Variants in ADGRB3 observed in about 807,000 individuals in gnomAD.
ADGRB3 encodes the protein brain-specific angiogenesis inhibitor 3.
A neutral mutation model predicts 193.4 loss-of-function variants in ADGRB3; 37 were observed. The observed-to-expected ratio is 0.19, with a 90% confidence interval of 0.15 to 0.25. The LOEUF (loss-of-function observed/expected upper bound fraction) is 0.25. ADGRB3 is among the 10% of genes least tolerant of loss of function. The pLI, the probability that ADGRB3 is intolerant of heterozygous loss-of-function variation, is 1.00. For missense variants in ADGRB3, 1,637 were observed against 1,852.9 expected, an observed-to-expected ratio of 0.88 and a Z score of 2.14; for synonymous variants, 690 against 644.2, an observed-to-expected ratio of 1.07 and a Z score of -1.08.
At chr6:69,295,866 A>G (rs1767805013) in intron 20 of ADGRB3, among the ~76,000 whole-genome samples, 1 of 152,124 alleles carries the variant, frequency 6.6e-6, no homozygotes, top group African/African-American at 2.4e-5. Flanking sequence ...ATTTGTCTCC[A>G]ATTGTTTGTT....
chr6:69,360,097 TATC>T (rs1302623702), intron 28 of ADGRB3, among the ~76,000 whole-genome samples: 1 of 151,952 alleles, frequency 6.6e-6, no homozygotes, highest in Admixed American at 6.6e-5. Context: ...TACTACAAGT[TATC>T]ATAGATTTTT....
intron 20 of ADGRB3, among the ~76,000 whole-genome samples, chr6:69,265,988 A>G (rs1767031913): frequency 6.6e-6 from 1 of 152,046 alleles, no homozygotes; most frequent in Non-Finnish European, 1.5e-5. Context: ...AATCACTCGA[A>G]TTCTTTCAGA....
chr6:69,057,399 T>C lies in ADGRB3; in HGVS notation c.2334-5535T>C, dbSNP rs375682934. 1.3e-3 allele frequency among the ~76,000 whole-genome samples: 191 copies of C among 152,202 alleles called. 1 individual carries two copies. Among genetic ancestry groups the C allele is most frequent in the African/African-American group, 4.5e-3 (188 of 41,576 alleles). ...TTCCCATTTGGATGCCTTTTATTTC[T>C]TTTTCTTACCTAATTGCTGTTTGTA... On this transcript the variant is annotated intron_variant, in intron 15 of 31. Transcript: ENST00000370598.
intron 20 of ADGRB3, among the ~76,000 whole-genome samples, chr6:69,241,230 C>T (rs1320963003): frequency 2.6e-5 from 4 of 151,698 alleles, no homozygotes; most frequent in Non-Finnish European, 5.9e-5. Flanking sequence ...ATACAAGCCA[C>T]ATATGTAATT....
intron 26 of ADGRB3, among the ~76,000 whole-genome samples, chr6:69,341,913 C>T (rs1278687456): frequency 2.0e-5 from 3 of 152,104 alleles, no homozygotes; most frequent in Non-Finnish European, 4.4e-5. Flanking sequence ...TGCTGCGTCA[C>T]TATATAAGCT....
At chr6:69,261,976 C>G (rs1561969903) in intron 20 of ADGRB3, among the ~76,000 whole-genome samples, 2 of 151,956 alleles carry the variant, frequency 1.3e-5, no homozygotes, top group Non-Finnish European at 2.9e-5. Context: ...CAAGCATAAT[C>G]AACATTAGCA....
intron 3 of ADGRB3, among the ~76,000 whole-genome samples, chr6:68,644,784 T>C (rs1768163272): frequency 6.6e-6 from 1 of 152,182 alleles, no homozygotes; most frequent in African/African-American, 2.4e-5. Context: ...GGTAGCATAT[T>C]TTTTGTAGAC....
At chr6:68,810,143 A>T (rs1182233745) in intron 3 of ADGRB3, among the ~76,000 whole-genome samples, 2 of 152,128 alleles carry the variant, frequency 1.3e-5, no homozygotes, top group Non-Finnish European at 2.9e-5. Context: ...TATGAACATA[A>T]ATGGGAAATT....
intron 18 of ADGRB3, 111 bp downstream of exon 18, chr6:69,233,527 C>G (rs201273452): frequency 1.2e-6 from 1 of 837,772 alleles, no homozygotes. Flanking sequence ...TTGCAGGGTA[C>G]AAAATTGGGT....
intron 17 of ADGRB3, among the ~76,000 whole-genome samples, chr6:69,088,561 A>G (rs913360926): frequency 6.6e-6 from 1 of 152,114 alleles, no homozygotes; most frequent in Non-Finnish European, 1.5e-5. Context: ...ATTAGTAGAG[A>G]TGGGATTTCA....
chr6:68,789,942 C>T lies in ADGRB3; in HGVS notation c.758-140617C>T, dbSNP rs1291757257. Among the ~76,000 whole-genome samples, 4 of 152,304 alleles carry T rather than the reference C, an allele frequency of 2.6e-5. No homozygotes were observed. In the South Asian group the frequency reaches 6.2e-4, roughly 24 times the overall value. On this transcript the variant is annotated intron_variant, in intron 3 of 31. Transcript: ENST00000370598. ...TGATACCCTTTCTTCCAGTTGATCG[C>T]ATCGGCTATTGAGGCTTCTGCATTT...
At chr6:69,165,503 A>AT (rs1453202023) in intron 17 of ADGRB3, among the ~76,000 whole-genome samples, 1 of 150,962 alleles carries the variant, frequency 6.6e-6, no homozygotes, top group African/African-American at 2.4e-5. Context: ...CCTGGAGTTG[A>AT]TTTTTTCATT....
Position 69,235,043 on chromosome 6 carries a change from C to G in ADGRB3, c.2619C>G (p.Ser873=), listed in dbSNP as rs1766230710. The change falls in exon 19 of 32, where the codon TCC becomes TCG. Residue 873 remains serine (S), a synonymous_variant. Transcript: ENST00000370598. ...AQQPREIIME[S]SGTPSVTLIV... ...TGTTTAATTCACAGATCATGGAATC[C>G]TCTGGCACACCTTCAGTTACCCTAA... 6.2e-7 allele frequency: 1 copy of G among 1,611,122 alleles called. No homozygotes were observed. Among genetic ancestry groups the G allele is most frequent in the Non-Finnish European group, 8.5e-7 (1 of 1,177,986 alleles).
At chr6:68,879,602 A>G (rs1482170114) in intron 3 of ADGRB3, among the ~76,000 whole-genome samples, 1 of 152,038 alleles carries the variant, frequency 6.6e-6, no homozygotes, top group Non-Finnish European at 1.5e-5. Context: ...ACCACTCCTG[A>G]CCAGCATGCC....
At chr6:69,386,290 G>A (rs1770068145) in intron 31 of ADGRB3, among the ~76,000 whole-genome samples, 1 of 151,970 alleles carries the variant, frequency 6.6e-6, no homozygotes, top group Admixed American at 6.6e-5. Flanking sequence ...ACATAATGGA[G>A]CCCCTATATA....
At chr6:69,142,697 G>A (rs375237140) in intron 17 of ADGRB3, among the ~76,000 whole-genome samples, 1 of 152,192 alleles carries the variant, frequency 6.6e-6, no homozygotes, top group East Asian at 1.9e-4. Context: ...ACTGGTGTAA[G>A]GCTGGTTGCT....
chr6:68,787,763 G>A (rs1363578231), intron 3 of ADGRB3, among the ~76,000 whole-genome samples: 3 of 152,102 alleles, frequency 2.0e-5, no homozygotes, highest in Admixed American at 6.6e-5. Flanking sequence ...GGTAGAAATC[G>A]GCTGTGAATC....
chr6:68,862,007 C>T lies in ADGRB3; in HGVS notation c.758-68552C>T, dbSNP rs1307844220. Among the ~76,000 whole-genome samples the T allele has an allele frequency of 5.9e-5, 9 of 152,280 alleles. No individual in the cohort carries two copies. In the South Asian group the frequency reaches 1.7e-3, roughly 28 times the overall value. ...CTATCTATCCTACTGTTCTTGCCCA[C>T]TCTTGCTTCTCGGGAGCAAGTCAGA... On this transcript the variant is annotated intron_variant, in intron 3 of 31. Transcript: ENST00000370598.
Position 68,639,092 on chromosome 6 carries a change from A to G in ADGRB3, c.417A>G (p.Pro139=), listed in dbSNP as rs1768019459. Residue 139 remains proline, a synonymous_variant, in exon 3 of 32, where the codon CCA becomes CCG. Coordinates refer to ENST00000370598, the MANE Select transcript of ADGRB3 (RefSeq NM_001704.3). ...QIRRVFPTNF[P]GLQKKGEEDQ... ...GTCGAGTATTTCCAACTAATTTCCC[A>G]GGATTACAGAAAAAAGGGGAAGAAG... is the stretch of plus-strand genomic sequence containing the variant. The G allele has an allele frequency of 1.9e-6, 3 of 1,614,058 alleles. No homozygotes were observed. Among genetic ancestry groups the G allele is most frequent in the South Asian group, 2.2e-5 (2 of 91,084 alleles).
Sources: allele counts gnomAD v4.1 joint callset (sites outside exome capture counted in the v4.1 genomes callset), GRCh38; gene constraint gnomAD v4.1.1; transcripts MANE v1.5; gene names NCBI Gene and HGNC (gene_info 2026-07-23, HGNC 2026-07-21).